Variants in DCLK1 observed in about 807,000 individuals in gnomAD.
DCLK1 encodes doublecortin like kinase 1.
Under a neutral mutation model 86.2 loss-of-function variants are expected in DCLK1, and 16 were observed. The ratio of observed to expected loss-of-function variants is 0.19; its 90% CI spans 0.13 to 0.28. The LOEUF (loss-of-function observed/expected upper bound fraction) is 0.28. Ranked by LOEUF, DCLK1 falls within the 10% of genes least tolerant of loss-of-function variation. The probability of loss-of-function intolerance (pLI) is 1.00; values close to 1 mark genes in which losing one functional copy is unlikely to be tolerated. For synonymous variants in DCLK1, 369 were observed against 370.5 expected (o/e 1.00, Z 0.05); for missense variants, 590 against 940.2 (o/e 0.63, Z 4.87).
At chr13:35,943,519 A>T (rs1177716502) in intron 4 of DCLK1, among the ~76,000 whole-genome samples, 8 of 147,246 alleles carry the variant, frequency 5.4e-5, no homozygotes. Context: ...ACTAGTTGAT[A>T]AAAAAACAGA....
At chr13:35,940,769 G>A (rs1185079556) in intron 4 of DCLK1, among the ~76,000 whole-genome samples, 2 of 152,154 alleles carry the variant, frequency 1.3e-5, no homozygotes, top group African/African-American at 4.8e-5. Context: ...CTCCACCACA[G>A]CAACAAAAGT....
intron 5 of DCLK1, among the ~76,000 whole-genome samples, chr13:35,862,160 T>C (rs1429747293): frequency 1.3e-5 from 2 of 151,528 alleles, no homozygotes; most frequent in Non-Finnish European, 2.9e-5. Flanking sequence ...TTCAAATCAC[T>C]ACAATATACC....
rs1218607839 is a variant in DCLK1 at position 35,898,382 on chromosome 13, T to C, written c.824-27042A>G. Among the ~76,000 whole-genome samples, 5 of 152,258 alleles carry C rather than the reference T, an allele frequency of 3.3e-5. 1 individual carries two copies. Among genetic ancestry groups the C allele is most frequent in the Non-Finnish European group, 4.4e-5 (3 of 68,052 alleles). On this transcript the variant is annotated intron_variant, in intron 4 of 16. Coordinates refer to ENST00000360631, the MANE Select transcript of DCLK1 (RefSeq NM_001330071.2). ...GTTCTTGGAAAGATATTTAATGAAG[T>C]CTTGCAAGTATGCATTTAAATGGAA...
chr13:36,045,830 G>A (rs562282778), intron 3 of DCLK1, among the ~76,000 whole-genome samples: 1 of 151,496 alleles, frequency 6.6e-6, no homozygotes, highest in African/African-American at 2.4e-5. Context: ...CCCAGCCTCA[G>A]AGACAGAGCA....
At chr13:35,871,447 C>A (rs1566578833) in intron 4 of DCLK1, 107 bp from the exon 5 acceptor site, 1 of 898,364 alleles carries the variant, frequency 1.1e-6, no homozygotes, top group South Asian at 1.6e-5. Context: ...CATCCTCAGT[C>A]ACATCTACTT....
At chr13:35,792,218 G>C (rs1193389716) in intron 16 of DCLK1, among the ~76,000 whole-genome samples, 1 of 152,156 alleles carries the variant, frequency 6.6e-6, no homozygotes, top group Non-Finnish European at 1.5e-5. Context: ...CTATTGAAAG[G>C]GTTCAATCGA....
intron 3 of DCLK1, among the ~76,000 whole-genome samples, chr13:36,106,049 C>T (rs1252991142): frequency 6.6e-6 from 1 of 152,216 alleles, no homozygotes; most frequent in East Asian, 1.9e-4. Flanking sequence ...ATCTTCAGTA[C>T]AGCAGTGGAA....
At chr13:35,963,707 C>T (rs547913747) in intron 3 of DCLK1, among the ~76,000 whole-genome samples, 1 of 152,162 alleles carries the variant, frequency 6.6e-6, no homozygotes, top group African/African-American at 2.4e-5. Context: ...GGTGGTTTCC[C>T]CCATGCTGTT....
intron 3 of DCLK1, among the ~76,000 whole-genome samples, chr13:36,092,272 T>C (rs996658147): frequency 2.6e-5 from 4 of 152,016 alleles, no homozygotes; most frequent in African/African-American, 9.7e-5. Flanking sequence ...AGTTTCCTCA[T>C]CTGTAAAAGA....
intron 3 of DCLK1, among the ~76,000 whole-genome samples, chr13:36,104,295 T>G (rs900430737): frequency 2.6e-5 from 4 of 152,198 alleles, no homozygotes; most frequent in Admixed American, 6.5e-5. Flanking sequence ...ATCCAGCTAC[T>G]TAGTCATTCA....
chr13:35,972,023 C>T (rs932702613), intron 3 of DCLK1, among the ~76,000 whole-genome samples: 4 of 152,196 alleles, frequency 2.6e-5, no homozygotes, highest in Admixed American at 6.5e-5. Flanking sequence ...GGAGCTTCTC[C>T]TTTTCCAACT....
chr13:35,851,975 G>A lies in DCLK1; in HGVS notation c.1035+2524C>T, dbSNP rs886631770. Among the ~76,000 whole-genome samples the A allele has an allele frequency of 6.6e-5, 10 of 150,634 alleles. No homozygotes were observed. In the East Asian group the frequency reaches 9.8e-4, roughly 15 times the overall value. Reference sequence around the variant, plus strand: ...GTATTTTAAAATGGGGGCAAGGCGCGCGTGTGTGCATGTGTGTGTATGTGT... The same window carrying A: ...GTATTTTAAAATGGGGGCAAGGCGCACGTGTGTGCATGTGTGTGTATGTGT... On this transcript the variant is annotated intron_variant, in intron 6 of 16. Coordinates refer to ENST00000360631, the MANE Select transcript of DCLK1 (RefSeq NM_001330071.2).
chr13:35,787,934 G>A, intron 16 of DCLK1: 4 of 410,592 alleles, frequency 9.7e-6, no homozygotes, highest in South Asian at 9.7e-5. Context: ...AAATGCTTTG[G>A]CATTAGCACT....
At chr13:35,980,111 G>T (rs962212237) in intron 3 of DCLK1, among the ~76,000 whole-genome samples, 1 of 152,120 alleles carries the variant, frequency 6.6e-6, no homozygotes, top group Non-Finnish European at 1.5e-5. Flanking sequence ...ACCACCGCTG[G>T]TCTTCAAAAT....
intron 10 of DCLK1, 32 bp downstream of exon 10, chr13:35,827,603 A>G (rs1461655147): frequency 6.2e-7 from 1 of 1,612,784 alleles, no homozygotes; most frequent in Non-Finnish European, 8.5e-7. Flanking sequence ...GGTGCCATCA[A>G]TAAAGACTTA....
At position 36,111,860 on chromosome 13, in the gene DCLK1, G is replaced by A. The variant is rs954402521; in HGVS notation, c.723+9C>T. The A allele has an allele frequency of 7.5e-6, 12 of 1,605,246 alleles. No homozygotes were observed. The highest frequency in any genetic ancestry group is 1.7e-4 in the Middle Eastern group (1 of 6,050). On this transcript the variant is annotated intron_variant, in intron 3 of 16. Transcript: ENST00000360631. ...TAAAGTCAAAGTCACATCACAATAT[G>A]TCTCTTACCTGTTTCCCATCCAACG...
intron 3 of DCLK1, among the ~76,000 whole-genome samples, chr13:35,980,928 G>T (rs1459199716): frequency 1.3e-5 from 2 of 152,094 alleles, no homozygotes; most frequent in African/African-American, 4.8e-5. Flanking sequence ...AAGGTGCTGG[G>T]ATTACAGGTG....
chr13:36,022,516 G>C (rs529393464), intron 3 of DCLK1, among the ~76,000 whole-genome samples: 8 of 149,648 alleles, frequency 5.3e-5, no homozygotes, highest in Non-Finnish European at 1.0e-4. Context: ...CCTTTAGCTA[G>C]AAAAAAAAAC....
intron 4 of DCLK1, among the ~76,000 whole-genome samples, chr13:35,921,164 C>T (rs1225839767): frequency 6.6e-6 from 1 of 152,140 alleles, no homozygotes; most frequent in African/African-American, 2.4e-5. Context: ...CCTATTATTC[C>T]CAGGATATCC....
Sources: allele counts gnomAD v4.1 joint callset (sites outside exome capture counted in the v4.1 genomes callset), GRCh38; gene constraint gnomAD v4.1.1; transcripts MANE v1.5; gene names NCBI Gene and HGNC (gene_info 2026-07-23, HGNC 2026-07-21).